CPNE4: variants seen among roughly 807,000 people sequenced by gnomAD.
CPNE4 encodes the protein copine-4.
CPNE4 carries 25 observed loss-of-function variants against 67.9 expected under a neutral mutation model. That is an observed-to-expected ratio of 0.37 (90% CI 0.27 to 0.51). CPNE4 has a LOEUF of 0.51. CPNE4 is among the 20% of genes least tolerant of loss of function. The pLI is 0.93. For missense variants in CPNE4, 464 were observed against 690.8 expected (o/e 0.67, Z 3.68); for synonymous variants, 242 against 244.9 (o/e 0.99, Z 0.11).
At chr3:131,894,700 G>T (rs1296907909) in intron 2 of CPNE4, among the ~76,000 whole-genome samples, 1 of 151,850 alleles carries the variant, frequency 6.6e-6, no homozygotes, top group Non-Finnish European at 1.5e-5. Flanking sequence ...TTATCAAGAA[G>T]ACAAAGGAAA....
intron 2 of CPNE4, among the ~76,000 whole-genome samples, chr3:131,885,693 C>T (rs1260464376): frequency 6.6e-6 from 1 of 151,968 alleles, no homozygotes; most frequent in Non-Finnish European, 1.5e-5. Flanking sequence ...CCTCCTGCTC[C>T]CCCCACCCCA....
chr3:131,749,088 G>A (rs1471218200), intron 2 of CPNE4, among the ~76,000 whole-genome samples: 7 of 152,032 alleles, frequency 4.6e-5, no homozygotes, highest in Non-Finnish European at 1.0e-4. Context: ...TATTAGAAGC[G>A]CACTCAGCAC....
At chr3:131,641,695 A>T (rs1414877688) in intron 7 of CPNE4, among the ~76,000 whole-genome samples, 2 of 152,218 alleles carry the variant, frequency 1.3e-5, no homozygotes, top group African/African-American at 2.4e-5. Context: ...TATACAAAAA[A>T]GATACCTGTA....
chr3:131,851,589 G>A (rs146049267), intron 2 of CPNE4, among the ~76,000 whole-genome samples: 1 of 152,190 alleles, frequency 6.6e-6, no homozygotes, highest in African/African-American at 2.4e-5. Context: ...TCACTTCAAA[G>A]AAGTTGGTGA....
intron 9 of CPNE4, among the ~76,000 whole-genome samples, chr3:131,578,422 CCT>C (rs369014844): frequency 9.2e-5 from 14 of 152,172 alleles, no homozygotes; most frequent in African/African-American, 3.4e-4. Context: ...CTCCCTATCC[CCT>C]GAGACACTAC....
At chr3:131,691,327 G>C (rs2081028467) in intron 5 of CPNE4, among the ~76,000 whole-genome samples, 1 of 152,134 alleles carries the variant, frequency 6.6e-6, no homozygotes, top group Non-Finnish European at 1.5e-5. Context: ...CATTGAATAG[G>C]ATAAAGAAAA....
intron 10 of CPNE4, among the ~76,000 whole-genome samples, chr3:131,565,818 TAA>T (rs66674789): frequency 2.5e-3 from 324 of 129,750 alleles, no homozygotes; most frequent in Middle Eastern, 8.2e-3. Flanking sequence ...TAAGAGTATG[TAA>T]AAAAAAAAAA....
At chr3:131,574,834 C>T (rs1038024396) in intron 10 of CPNE4, among the ~76,000 whole-genome samples, 3 of 152,088 alleles carry the variant, frequency 2.0e-5, no homozygotes, top group African/African-American at 7.2e-5. Flanking sequence ...TCCTAGACCA[C>T]CTGAGGTTGA....
intron 2 of CPNE4, among the ~76,000 whole-genome samples, chr3:131,827,198 G>A (rs960442835): frequency 6.6e-6 from 1 of 152,160 alleles, no homozygotes; most frequent in Admixed American, 6.5e-5. Context: ...CCCAACCAAA[G>A]ACACCAAATA....
At chr3:131,849,553 C>T (rs2086152020) in intron 2 of CPNE4, among the ~76,000 whole-genome samples, 2 of 152,132 alleles carry the variant, frequency 1.3e-5, no homozygotes, top group African/African-American at 2.4e-5. Flanking sequence ...CCAATTACCT[C>T]CCACCAAGCC....
At chr3:132,013,099 T>A (rs534520311) in intron 1 of CPNE4, among the ~76,000 whole-genome samples, 1 of 152,284 alleles carries the variant, frequency 6.6e-6, no homozygotes, top group East Asian at 1.9e-4. Flanking sequence ...GGTGGACGCC[T>A]GTAATCCCAG....
intron 1 of CPNE4, among the ~76,000 whole-genome samples, chr3:131,952,094 C>T (rs1583501821): frequency 2.0e-5 from 3 of 149,876 alleles, no homozygotes; most frequent in African/African-American, 7.4e-5. Flanking sequence ...CTCTGCCCGG[C>T]CGCCATCCCA....
intron 1 of CPNE4, among the ~76,000 whole-genome samples, chr3:131,908,254 T>G (rs959354301): frequency 4.6e-5 from 7 of 152,116 alleles, no homozygotes; most frequent in Non-Finnish European, 1.0e-4. Flanking sequence ...TATAGCTTCA[T>G]AAACCATTTT....
At chr3:131,627,205 A>AG (rs1454204741) in intron 7 of CPNE4, among the ~76,000 whole-genome samples, 15 of 151,460 alleles carry the variant, frequency 9.9e-5, no homozygotes, top group African/African-American at 3.6e-4. Flanking sequence ...AAAAAAAAAA[A>AG]AAAAAGAAAA....
chr3:131,596,341 G>A (rs1405309739), intron 7 of CPNE4, among the ~76,000 whole-genome samples: 5 of 116,936 alleles, frequency 4.3e-5, no homozygotes, highest in Admixed American at 1.5e-4. Flanking sequence ...TAAGTAAAGC[G>A]GCCGGGCGCG....
intron 1 of CPNE4, among the ~76,000 whole-genome samples, chr3:132,023,548 C>G (rs2074047962): frequency 1.7e-5 from 2 of 116,176 alleles, no homozygotes; most frequent in South Asian, 6.0e-4. Context: ...AGTGCAGTGG[C>G]GGGATCTCGG....
At chr3:131,986,073 A>C (rs2073034090) in intron 1 of CPNE4, 1 of 152,928 alleles carries the variant, frequency 6.5e-6, no homozygotes, top group South Asian at 2.1e-4. Context: ...AGTAACTGCT[A>C]AATGGTAAAT....
chr3:131,739,035 A>G (rs1166826310), intron 2 of CPNE4, among the ~76,000 whole-genome samples: 1 of 151,940 alleles, frequency 6.6e-6, no homozygotes, highest in Admixed American at 6.6e-5. Context: ...TTGTATTTTT[A>G]GTAGAGACAG....
At chr3:131,567,898 A>C (rs148696428) in intron 10 of CPNE4, among the ~76,000 whole-genome samples, 34 of 152,134 alleles carry the variant, frequency 2.2e-4, no homozygotes, top group African/African-American at 8.2e-4. Context: ...TAAACATTCA[A>C]ACATGCCTGG....
Sources: gnomAD v4.1 joint callset for allele counts (sites outside exome capture counted in the v4.1 genomes callset) on GRCh38, gnomAD v4.1.1 for gene constraint, MANE v1.5 for transcripts, NCBI Gene and HGNC (gene_info 2026-07-23, HGNC 2026-07-21) for gene names.